The following CTNNBL1 variants were observed in gnomAD, a reference collection of about 807,000 sequenced individuals.
CTNNBL1 encodes the protein beta-catenin-like protein 1.
A neutral mutation model predicts 72.7 loss-of-function variants in CTNNBL1; 31 were observed. The observed-to-expected ratio is 0.43, with a 90% CI of 0.32 to 0.58. The LOEUF (loss-of-function observed/expected upper bound fraction) is 0.58. Among genes scored for constraint, CTNNBL1 ranks in the 20% least tolerant of loss-of-function variants. The pLI, the probability that CTNNBL1 is intolerant of heterozygous loss-of-function variation, is 0.08. For synonymous variants in CTNNBL1, 240 were observed against 267.3 expected (o/e 0.90, Z 1.00); for missense variants, 534 against 725.1 (o/e 0.74, Z 3.03).
At chr20:37,786,574 G>A (rs564998433) in intron 10 of CTNNBL1, among the ~76,000 whole-genome samples, 1 of 152,198 alleles carries the variant, frequency 6.6e-6, no homozygotes, top group African/African-American at 2.4e-5. Context: ...ATGCATATAT[G>A]TGTGATATAA....
intron 1 of CTNNBL1, among the ~76,000 whole-genome samples, chr20:37,711,036 A>G (rs2072932817): frequency 6.6e-6 from 1 of 152,108 alleles, no homozygotes; most frequent in Admixed American, 6.6e-5. Context: ...TTGGGATGGG[A>G]GCTGCCATAT....
At chr20:37,804,918 G>A (rs369896864) in intron 11 of CTNNBL1, among the ~76,000 whole-genome samples, 12 of 152,216 alleles carry the variant, frequency 7.9e-5, no homozygotes, top group Non-Finnish European at 1.6e-4. Context: ...TTGGTAAGAC[G>A]TCTCCTAGAA....
intron 11 of CTNNBL1, among the ~76,000 whole-genome samples, chr20:37,828,119 A>G (rs1318188386): frequency 2.0e-5 from 3 of 152,180 alleles, no homozygotes; most frequent in Non-Finnish European, 4.4e-5. Context: ...GTGGTTTGTT[A>G]TGATATCACA....
intron 1 of CTNNBL1, among the ~76,000 whole-genome samples, chr20:37,717,078 C>G (rs1257024090): frequency 6.7e-6 from 1 of 149,462 alleles, no homozygotes; most frequent in Non-Finnish European, 1.5e-5. Flanking sequence ...TTCATTCCCC[C>G]CTTCCCATTT....
chr20:37,824,132 C>T (rs1568797273), intron 11 of CTNNBL1, among the ~76,000 whole-genome samples: 1 of 152,220 alleles, frequency 6.6e-6, no homozygotes, highest in Non-Finnish European at 1.5e-5. Context: ...CAAAGGGAAC[C>T]AGCTGCGCTG....
intron 1 of CTNNBL1, among the ~76,000 whole-genome samples, chr20:37,729,135 G>T (rs539420573): frequency 6.6e-6 from 1 of 152,170 alleles, no homozygotes; most frequent in African/African-American, 2.4e-5. Flanking sequence ...ATATTTATAG[G>T]TGGATGTTTT....
intron 10 of CTNNBL1, among the ~76,000 whole-genome samples, chr20:37,781,557 G>T (rs1310893847): frequency 6.6e-6 from 1 of 152,042 alleles, no homozygotes; most frequent in Non-Finnish European, 1.5e-5. Flanking sequence ...TCATTCTTTG[G>T]CATTAATTAG....
chr20:37,833,036 C>A (rs1426191644), intron 11 of CTNNBL1, among the ~76,000 whole-genome samples: 4 of 152,162 alleles, frequency 2.6e-5, no homozygotes, highest in African/African-American at 9.7e-5. Context: ...GGGTAGCATG[C>A]CTCCGTGTGT....
chr20:37,801,260 T>C (rs541468073), intron 10 of CTNNBL1, among the ~76,000 whole-genome samples: 4 of 150,182 alleles, frequency 2.7e-5, no homozygotes, highest in Non-Finnish European at 5.9e-5. Context: ...AGATTTAGCT[T>C]TTTTTTTTGG....
Position 37,855,758 on chromosome 20 carries a change from A to T in CTNNBL1, c.1393-4141A>T, listed in dbSNP as rs571792785. Among the ~76,000 whole-genome samples, 77 of 152,348 alleles carry T rather than the reference A, an allele frequency of 5.1e-4. 1 individual carries two copies. The highest frequency in any genetic ancestry group is 1.7e-3 in the African/African-American group (69 of 41,584). ...TGGCTGACACTCTGTAGCCCATCAT[A>T]TCTGACTTCTCTGGCCAGCCTGTAT... On this transcript the variant is annotated intron_variant, in intron 13 of 15. Coordinates refer to ENST00000361383, the MANE Select transcript of CTNNBL1 (RefSeq NM_030877.5).
chr20:37,803,295 T>C (rs561621109), intron 11 of CTNNBL1, among the ~76,000 whole-genome samples: 1 of 152,272 alleles, frequency 6.6e-6, no homozygotes, highest in East Asian at 1.9e-4. Flanking sequence ...AATAAGTCTG[T>C]GTGTGAGGGT....
chr20:37,754,190 A>G (rs2073344431), intron 4 of CTNNBL1, among the ~76,000 whole-genome samples: 1 of 152,218 alleles, frequency 6.6e-6, no homozygotes, highest in African/African-American at 2.4e-5. Context: ...GTGTTATTCA[A>G]GAGATGTAAT....
intron 10 of CTNNBL1, among the ~76,000 whole-genome samples, chr20:37,788,645 A>G (rs2122709923): frequency 6.6e-6 from 1 of 152,366 alleles, no homozygotes; most frequent in Non-Finnish European, 1.5e-5. Flanking sequence ...TTCAGAACAG[A>G]AGCTGCATAA....
At chr20:37,869,094 CA>C (rs1376898939) in intron 15 of CTNNBL1, among the ~76,000 whole-genome samples, 2 of 152,228 alleles carry the variant, frequency 1.3e-5, no homozygotes, top group African/African-American at 4.8e-5. Context: ...TAGGAGGCAT[CA>C]CAACCACTTG....
chr20:37,843,277 A>T (rs2072320062), intron 13 of CTNNBL1, among the ~76,000 whole-genome samples: 2 of 151,992 alleles, frequency 1.3e-5, no homozygotes, highest in South Asian at 4.2e-4. Flanking sequence ...TTGCTGCATC[A>T]CTCCATCCTT....
intron 1 of CTNNBL1, among the ~76,000 whole-genome samples, chr20:37,716,489 T>A (rs924939514): frequency 1.3e-5 from 2 of 152,210 alleles, no homozygotes; most frequent in African/African-American, 4.8e-5. Flanking sequence ...TAAGAATAAC[T>A]CATTCACCAT....
At chr20:37,785,951 T>TA (rs2073669599) in intron 10 of CTNNBL1, among the ~76,000 whole-genome samples, 2 of 152,262 alleles carry the variant, frequency 1.3e-5, no homozygotes, top group Non-Finnish European at 2.9e-5. Context: ...ACAGCAGCTG[T>TA]GTCTGCATTA....
chr20:37,853,900 T>C (rs932987298), intron 13 of CTNNBL1, among the ~76,000 whole-genome samples: 1 of 152,228 alleles, frequency 6.6e-6, no homozygotes, highest in Non-Finnish European at 1.5e-5. Flanking sequence ...CTGACAACAG[T>C]CAACTTCACT....
intron 5 of CTNNBL1, among the ~76,000 whole-genome samples, chr20:37,761,852 G>A (rs2073420512): frequency 6.6e-6 from 1 of 152,262 alleles, no homozygotes; most frequent in African/African-American, 2.4e-5. Context: ...ATCAAGAGCA[G>A]GATGGGAAAA....
Sources: gnomAD v4.1 joint callset for allele counts (sites outside exome capture counted in the v4.1 genomes callset) on GRCh38, gnomAD v4.1.1 for gene constraint, MANE v1.5 for transcripts, NCBI Gene and HGNC (gene_info 2026-07-23, HGNC 2026-07-21) for gene names.